The following MIPOL1 variants were observed in gnomAD, a reference collection of about 807,000 sequenced individuals.
The protein encoded by MIPOL1 is mirror-image polydactyly 1.
A neutral mutation model predicts 60.9 loss-of-function variants in MIPOL1; 57 were observed. That is an observed-to-expected ratio of 0.94 (90% CI 0.76 to 1.17). MIPOL1 has a LOEUF of 1.17. Ranked by LOEUF, MIPOL1 falls within the 50% of genes most tolerant of loss-of-function variation. The pLI is 0.00. For synonymous variants in MIPOL1, 179 were observed against 168.8 expected, an observed-to-expected ratio of 1.06 and a Z score of -0.47; for missense variants, 551 against 511.6, an observed-to-expected ratio of 1.08 and a Z score of -0.74.
chr14:37,469,081 C>G (rs1231958180), intron 11 of MIPOL1, among the ~76,000 whole-genome samples: 1 of 152,154 alleles, frequency 6.6e-6, no homozygotes, highest in African/African-American at 2.4e-5. Flanking sequence ...AAAACTCACT[C>G]AAGGCAAAGA....
At chr14:37,510,850 G>T (rs1050977752) in intron 12 of MIPOL1, among the ~76,000 whole-genome samples, 1 of 152,118 alleles carries the variant, frequency 6.6e-6, no homozygotes, top group Non-Finnish European at 1.5e-5. Context: ...GAGTTTACTA[G>T]TTTCATAGAA....
At chr14:37,278,308 G>C (rs2083829058) in intron 6 of MIPOL1, 1 of 151,460 alleles carries the variant, frequency 6.6e-6, no homozygotes, top group South Asian at 2.1e-4. Flanking sequence ...CAATTATTAA[G>C]GAAATTAAAA....
chr14:37,529,145 T>G (rs1381716324), intron 12 of MIPOL1, among the ~76,000 whole-genome samples: 1 of 152,234 alleles, frequency 6.6e-6, no homozygotes, highest in Non-Finnish European at 1.5e-5. Flanking sequence ...AAAAAATGTC[T>G]TGTTAGTCTG....
intron 1 of MIPOL1, among the ~76,000 whole-genome samples, chr14:37,238,787 A>C (rs372878370): frequency 4.7e-4 from 54 of 114,988 alleles, no homozygotes; most frequent in East Asian, 3.4e-3. Flanking sequence ...CCACTTCTAC[A>C]AAAAAAAAAA....
At chr14:37,238,759 G>A (rs1468579694) in intron 1 of MIPOL1, among the ~76,000 whole-genome samples, 1 of 150,750 alleles carries the variant, frequency 6.6e-6, no homozygotes, top group Non-Finnish European at 1.5e-5. Flanking sequence ...AGACCAGTCT[G>A]GGCAACACGG....
chr14:37,241,317 C>G (rs755619230), intron 1 of MIPOL1, among the ~76,000 whole-genome samples: 1 of 152,062 alleles, frequency 6.6e-6, no homozygotes, highest in South Asian at 2.1e-4. Context: ...AGTCCACTTT[C>G]CCCAGTACAC....
rs189746927 is a variant in MIPOL1, at chr14:37,216,259, A to G, written c.-199+18155A>G. ...AACAATTTAAAATATATATGCACCC[A>G]ACACTGGAGCACTCAGATATATACA... On this transcript the variant is annotated intron_variant, in intron 1 of 12. Coordinates refer to ENST00000684589, the MANE Select transcript of MIPOL1 (RefSeq NM_001388067.1). 3.2e-3 allele frequency among the ~76,000 whole-genome samples: 494 copies of G among 152,324 alleles called. 6 individuals carry two copies. Among genetic ancestry groups the G allele is most frequent in the Non-Finnish European group, 4.9e-3 (333 of 68,026 alleles).
intron 9 of MIPOL1, among the ~76,000 whole-genome samples, chr14:37,336,716 T>C (rs538135725): frequency 6.6e-6 from 1 of 152,102 alleles, no homozygotes; most frequent in East Asian, 1.9e-4. Context: ...GTGTTTTTTG[T>C]TTTTTCCTTT....
At chr14:37,420,263 G>A (rs1416696149) in intron 10 of MIPOL1, among the ~76,000 whole-genome samples, 1 of 152,142 alleles carries the variant, frequency 6.6e-6, no homozygotes. Flanking sequence ...GAAGGGATTT[G>A]TAGTACTGAG....
At chr14:37,506,613 C>A (rs1034927185) in intron 12 of MIPOL1, 1 of 152,162 alleles carries the variant, frequency 6.6e-6, no homozygotes, top group African/African-American at 2.4e-5. Flanking sequence ...GAATTAAAAA[C>A]TTAAATGTAA....
intron 9 of MIPOL1, among the ~76,000 whole-genome samples, chr14:37,323,092 G>T (rs1341556147): frequency 6.6e-6 from 1 of 151,990 alleles, no homozygotes. Context: ...TTTCTTCTTG[G>T]ATTTTTATGG....
At chr14:37,464,517 G>A (rs1390362443) in intron 11 of MIPOL1, among the ~76,000 whole-genome samples, 4 of 152,146 alleles carry the variant, frequency 2.6e-5, no homozygotes, top group East Asian at 3.9e-4. Context: ...TAACTTATAA[G>A]TGGGAGCTAA....
intron 9 of MIPOL1, among the ~76,000 whole-genome samples, chr14:37,318,593 A>G (rs1402339752): frequency 6.6e-6 from 1 of 152,144 alleles, no homozygotes; most frequent in African/African-American, 2.4e-5. Context: ...AAATTTTTAC[A>G]ACTTCTTGAA....
chr14:37,427,934 A>T (rs141476314), intron 11 of MIPOL1, among the ~76,000 whole-genome samples: 20 of 152,322 alleles, frequency 1.3e-4, no homozygotes, highest in African/African-American at 4.6e-4. Context: ...TAATTTTCAG[A>T]TAGATTAAAT....
rs984693373 is a variant in MIPOL1, at chr14:37,266,935, C to G, written c.20-3C>G. 4.4e-6 allele frequency: 7 copies of G among 1,597,436 alleles called. No homozygotes were observed. In the African/African-American group the frequency reaches 8.1e-5, roughly 18 times the overall value. Reference sequence around the variant, plus strand: ...CATGTGTTATTTGTTTGTTTAAATACAGACATAACCCACAGTTATCTTGAA... The same window carrying G: ...CATGTGTTATTTGTTTGTTTAAATAGAGACATAACCCACAGTTATCTTGAA... On this transcript the variant is annotated splice_polypyrimidine_tract_variant and splice_region_variant and intron_variant, in intron 3 of 12. Coordinates refer to ENST00000684589, the MANE Select transcript of MIPOL1 (RefSeq NM_001388067.1).
intron 9 of MIPOL1, among the ~76,000 whole-genome samples, chr14:37,336,411 G>A (rs1186053166): frequency 1.3e-5 from 2 of 148,804 alleles, no homozygotes; most frequent in African/African-American, 2.5e-5. Flanking sequence ...ATTATATAAT[G>A]CCCTCTTTGT....
intron 9 of MIPOL1, among the ~76,000 whole-genome samples, chr14:37,367,823 C>G (rs576959396): frequency 6.6e-6 from 1 of 151,794 alleles, no homozygotes; most frequent in African/African-American, 2.4e-5. Flanking sequence ...TGAGTACACA[C>G]GATAGTACAG....
chr14:37,523,469 C>A, intron 12 of MIPOL1: 2 of 393,430 alleles, frequency 5.1e-6, no homozygotes, highest in South Asian at 2.0e-4. Context: ...TTTTTTTTTT[C>A]CAGATCTCAA....
At chr14:37,269,055 TA>T (rs543661069) in intron 5 of MIPOL1, among the ~76,000 whole-genome samples, 2 of 151,228 alleles carry the variant, frequency 1.3e-5, no homozygotes, top group Admixed American at 6.6e-5. Flanking sequence ...TACATATCTT[TA>T]AAAAAAAAGA....
Sources: gnomAD v4.1 joint callset for allele counts (sites outside exome capture counted in the v4.1 genomes callset) on GRCh38, gnomAD v4.1.1 for gene constraint, MANE v1.5 for transcripts, NCBI Gene and HGNC (gene_info 2026-07-23, HGNC 2026-07-21) for gene names.